Variants in ATP13A5 observed in about 807,000 individuals in gnomAD.
ATP13A5 encodes ATPase 13A5.
Under a neutral mutation model 150.2 loss-of-function variants are expected in ATP13A5, and 149 were observed. That is an observed-to-expected ratio of 0.99 (90% CI 0.87 to 1.14). The LOEUF is 1.14. Among genes scored for constraint, ATP13A5 ranks in the 50% most tolerant of loss-of-function variants. The pLI is 0.00. For missense variants in ATP13A5, 1,383 were observed against 1,449.3 expected (o/e 0.95, Z 0.74); for synonymous variants, 497 against 522.2 (o/e 0.95, Z 0.66).
chr3:193,359,092 A>G (rs1044131785), intron 5 of ATP13A5, among the ~76,000 whole-genome samples: 6 of 152,170 alleles, frequency 3.9e-5, no homozygotes, highest in Non-Finnish European at 8.8e-5. Context: ...ATATATATAT[A>G]TATGTTACAT....
Position 193,343,962 on chromosome 3 carries a change from T to C in ATP13A5, c.908A>G (p.Asp303Gly). 1 of 1,613,374 alleles carries C rather than the reference T, an allele frequency of 6.2e-7. No homozygotes were observed. Among genetic ancestry groups the C allele is most frequent in the Non-Finnish European group, 8.5e-7 (1 of 1,179,564 alleles). The change falls in exon 9 of 30, where the codon GAT becomes GGT. Residue 303 changes from aspartate (D) to glycine (G), a missense_variant. Around this residue, in one of 3 missense-constraint regions of ATP13A5, gnomAD observed 787 missense variants for 771.9 expected, o/e 1.02. Coordinates refer to ENST00000342358, the MANE Select transcript of ATP13A5 (RefSeq NM_198505.4). ...FSLPCDAVLI[D>G]GSCVVNEGML... ...GCCTTCATTCACCACGCAGCTTCCA[T>C]CAATCAAAACAGCATCACATGGCAA...
intron 1 of ATP13A5, among the ~76,000 whole-genome samples, chr3:193,375,102 C>A (rs765927064): frequency 2.4e-4 from 36 of 152,172 alleles, no homozygotes; most frequent in Non-Finnish European, 4.9e-4. Flanking sequence ...GACAAATATA[C>A]TCAAGATTTG....
At chr3:193,365,887 A>G (rs2108581901) in intron 1 of ATP13A5, among the ~76,000 whole-genome samples, 1 of 152,228 alleles carries the variant, frequency 6.6e-6, no homozygotes, top group South Asian at 2.1e-4. Flanking sequence ...ACAGCTATAT[A>G]GTGCTAATAG....
intron 26 of ATP13A5, among the ~76,000 whole-genome samples, chr3:193,286,958 G>T (rs1717747836): frequency 6.6e-6 from 1 of 152,054 alleles, no homozygotes; most frequent in Non-Finnish European, 1.5e-5. Context: ...GAAGTAAAAT[G>T]GTCTTATTGC....
chr3:193,295,384 T>C (rs1718126196), intron 25 of ATP13A5, among the ~76,000 whole-genome samples: 1 of 152,036 alleles, frequency 6.6e-6, no homozygotes, highest in African/African-American at 2.4e-5. Context: ...GCCTAGTATC[T>C]TTCTCCTTTC....
At chr3:193,288,905 A>G (rs894538323) in intron 26 of ATP13A5, among the ~76,000 whole-genome samples, 11 of 152,094 alleles carry the variant, frequency 7.2e-5, no homozygotes, top group African/African-American at 2.4e-4. Flanking sequence ...CTGATTTCCT[A>G]TCCATCCTCT....
At chr3:193,318,336 A>G (rs1719128597) in intron 17 of ATP13A5, among the ~76,000 whole-genome samples, 1 of 152,232 alleles carries the variant, frequency 6.6e-6, no homozygotes, top group African/African-American at 2.4e-5. Context: ...AGTTTTCCAC[A>G]GTATTTTTTT....
In ATP13A5 at chr3:193,338,995, C is replaced by A. The variant is rs1577358434; in HGVS notation, c.944-3896G>T. Among the ~76,000 whole-genome samples the A allele has an allele frequency of 9.9e-5, 15 of 152,284 alleles. 1 individual carries two copies. In the South Asian group the frequency reaches 3.1e-3, roughly 32 times the overall value. On this transcript the variant is annotated intron_variant, in intron 9 of 29. Transcript: ENST00000342358. ...TATATGTCGAGGAATTTATCAATTT[C>A]TTCTAGATTTTCTAGTTTATTTGCA... is the stretch of plus-strand genomic sequence containing the variant.
At chr3:193,340,980 C>A (rs1209365080) in intron 9 of ATP13A5, among the ~76,000 whole-genome samples, 1 of 152,162 alleles carries the variant, frequency 6.6e-6, no homozygotes, top group Non-Finnish European at 1.5e-5. Flanking sequence ...CTCAGCTGTG[C>A]CACTTCTAAG....
intron 9 of ATP13A5, among the ~76,000 whole-genome samples, chr3:193,339,306 A>C (rs1488708039): frequency 6.6e-6 from 1 of 151,938 alleles, no homozygotes; most frequent in Non-Finnish European, 1.5e-5. Flanking sequence ...TTGCTTCTGT[A>C]GTTCTTTTAA....
At chr3:193,341,086 G>A (rs1712101427) in intron 9 of ATP13A5, among the ~76,000 whole-genome samples, 1 of 152,014 alleles carries the variant, frequency 6.6e-6, no homozygotes, top group Non-Finnish European at 1.5e-5. Flanking sequence ...TATGTAAAAT[G>A]TTAGCACAAT....
At chr3:193,373,036 G>GT (rs1239349341) in intron 1 of ATP13A5, among the ~76,000 whole-genome samples, 8 of 152,098 alleles carry the variant, frequency 5.3e-5, no homozygotes, top group East Asian at 1.9e-4. Flanking sequence ...CCTTTGAGTG[G>GT]TTTTTTTGAG....
intron 9 of ATP13A5, among the ~76,000 whole-genome samples, chr3:193,339,085 C>T (rs1712012206): frequency 1.3e-5 from 2 of 150,436 alleles, no homozygotes; most frequent in Non-Finnish European, 2.9e-5. Flanking sequence ...GTGATATCCC[C>T]TTTATCATTT....
Position 193,309,790 on chromosome 3 carries a change from G to A in ATP13A5, c.2525+848C>T, listed in dbSNP as rs556462957. ...AGTCCAACCGCTCATGAGGCACTGA[G>A]CATTCAACATGTGAATGAGGCTGGT... is the stretch of plus-strand genomic sequence containing the variant. On this transcript the variant is annotated intron_variant, in intron 21 of 29. Transcript: ENST00000342358. Among the ~76,000 whole-genome samples the A allele has an allele frequency of 9.8e-5, 15 of 152,332 alleles. No individual in the cohort carries two copies. The East Asian group carries it at 2.9e-3, about 29-fold the overall frequency.
intron 9 of ATP13A5, among the ~76,000 whole-genome samples, chr3:193,338,383 T>C (rs1186952619): frequency 6.6e-6 from 1 of 152,146 alleles, no homozygotes; most frequent in East Asian, 1.9e-4. Context: ...CATAGATAGC[T>C]CTTATTATTT....
intron 20 of ATP13A5, among the ~76,000 whole-genome samples, chr3:193,311,054 C>A (rs144035715): frequency 7.9e-4 from 120 of 152,304 alleles, no homozygotes; most frequent in African/African-American, 2.7e-3. Flanking sequence ...TAGACACCAT[C>A]TCCATAATCA....
intron 1 of ATP13A5, among the ~76,000 whole-genome samples, chr3:193,366,277 T>C (rs1352631): frequency 0.96 from 145,905 of 152,074 alleles, 70,018 homozygotes; most frequent in African/African-American, 0.98. Flanking sequence ...TAAATGCATG[T>C]GGCCTTAATG....
chr3:193,335,073 G>A lies in ATP13A5; in HGVS notation c.970C>T (p.Pro324Ser), dbSNP rs768560571. The change falls in exon 10 of 30, where the codon CCA becomes TCA. Residue 324 changes from proline to serine, a missense_variant. Around this residue, in one of 3 missense-constraint regions of ATP13A5, gnomAD observed 787 missense variants for 771.9 expected, o/e 1.02. Coordinates refer to ENST00000342358, the MANE Select transcript of ATP13A5 (RefSeq NM_198505.4). ...TGESIPVTKT[P>S]LPQMENTMPW... ...ATAGTGTTCTCCATCTGGGGCAATG[G>A]TGTCTTTGTAACAGGTATACTTTCT... 6.2e-7 allele frequency: 1 copy of A among 1,613,828 alleles called. No individual in the cohort carries two copies. The highest frequency in any genetic ancestry group is 8.5e-7 in the Non-Finnish European group (1 of 1,179,750).
intron 27 of ATP13A5, among the ~76,000 whole-genome samples, chr3:193,282,599 A>T (rs1717549231): frequency 6.6e-6 from 1 of 152,008 alleles, no homozygotes; most frequent in Non-Finnish European, 1.5e-5. Flanking sequence ...CTGGTATTGA[A>T]CTCCTGACCT....
Sources: allele counts gnomAD v4.1 joint callset (sites outside exome capture counted in the v4.1 genomes callset), GRCh38; gene constraint gnomAD v4.1.1; regional missense constraint gnomAD v4.1.1; transcripts MANE v1.5; gene names NCBI Gene and HGNC (gene_info 2026-07-23, HGNC 2026-07-21).